ZNF727: variants seen among roughly 807,000 people sequenced by gnomAD.
The protein encoded by ZNF727 is zinc finger protein 727, also known as putative zinc finger protein 727.
Under a neutral mutation model 11.5 loss-of-function variants are expected in ZNF727, and 11 were observed. The ratio of observed to expected loss-of-function variants is 0.95; its 90% CI spans 0.60 to 1.58. The LOEUF is 1.58. Ranked by LOEUF, ZNF727 falls within the 40% of genes most tolerant of loss-of-function variation. The probability of loss-of-function intolerance (pLI) is 0.00; values close to 1 mark genes in which losing one functional copy is unlikely to be tolerated. For synonymous variants in ZNF727, 171 were observed against 196.1 expected (o/e 0.87, Z 1.07); for missense variants, 533 against 581.7 (o/e 0.92, Z 0.86).
Position 64,083,028 on chromosome 7 carries a change from G to A in ZNF727, c.*4479G>A, listed in dbSNP as rs1562800891. ...AGTCACACAAACAGCAAAAATGGCC[G>A]CTCACTCTTCCCTTTAGGAGCTGTA... On this transcript the variant is annotated 3_prime_UTR_variant, in exon 4 of 4. Transcript: ENST00000456806. Among the ~76,000 whole-genome samples the A allele has an allele frequency of 1.3e-5, 2 of 152,178 alleles. No individual in the cohort carries two copies. The highest frequency in any genetic ancestry group is 2.4e-5 in the African/African-American group (1 of 41,436).
intron 3 of ZNF727, among the ~76,000 whole-genome samples, chr7:64,072,094 A>G (rs1339233373): frequency 6.6e-6 from 1 of 152,146 alleles, no homozygotes; most frequent in Admixed American, 6.6e-5. Flanking sequence ...AAATTTTAAG[A>G]TTGAATTTTC....
intron 1 of ZNF727, among the ~76,000 whole-genome samples, chr7:64,063,559 A>G (rs1789813121): frequency 6.6e-6 from 1 of 151,972 alleles, no homozygotes; most frequent in Non-Finnish European, 1.5e-5. Context: ...CATCACTAGG[A>G]CTACACTAAG....
At position 64,077,716 on chromosome 7, in the gene ZNF727, A is replaced by C. The variant is rs1785700270; in HGVS notation, c.667A>C (p.Thr223Pro). The C allele has an allele frequency of 1.3e-6, 2 of 1,580,416 alleles. No homozygotes were observed. The highest frequency in any genetic ancestry group is 1.7e-6 in the Non-Finnish European group (2 of 1,162,686). Residue 223 changes from threonine (T) to proline (P), a missense_variant, in exon 4 of 4, where the codon ACT (threonine) becomes CCT (proline). This residue lies in a region of ZNF727 where 463 missense variants were observed against 494.5 expected (regional missense o/e 0.94). Coordinates refer to ENST00000456806, the MANE Select transcript of ZNF727 (RefSeq NM_001159522.3). ...SNLTEHNRVH[T>P]GKKPYKCEEC... ...CCTTACTGAACATAATAGAGTTCATACTGGAAAGAAACCCTACAAATGTGA... is the reference window on the plus strand; with the variant it reads ...CCTTACTGAACATAATAGAGTTCATCCTGGAAAGAAACCCTACAAATGTGA...
intron 3 of ZNF727, 68 bp from the exon 4 acceptor site, chr7:64,077,208 A>G: frequency 7.3e-7 from 1 of 1,360,916 alleles, no homozygotes; most frequent in Non-Finnish European, 9.8e-7. Context: ...GTATAATTAT[A>G]TATTTGTAAA....
chr7:64,065,289 G>A (rs777413166), intron 1 of ZNF727, among the ~76,000 whole-genome samples: 1 of 152,154 alleles, frequency 6.6e-6, no homozygotes, highest in Non-Finnish European at 1.5e-5. Context: ...GGTAGGGGCA[G>A]GTCACTGCGG....
chr7:64,076,163 C>G (rs1253868245), intron 3 of ZNF727, among the ~76,000 whole-genome samples: 1 of 152,058 alleles, frequency 6.6e-6, no homozygotes, highest in Non-Finnish European at 1.5e-5. Context: ...AATATTCGGA[C>G]AGAAGTCAGA....
In ZNF727 at chr7:64,078,517, G is replaced by A; in HGVS notation, c.1468G>A (p.Gly490Ser). Residue 490 changes from glycine (G) to serine (S), a missense_variant, in exon 4 of 4, where the codon GGT (glycine) becomes AGT (serine). Gly to Ser is a moderately conservative substitution (Grantham distance 56, BLOSUM62 0). This residue lies in a region of ZNF727 where 54 missense variants were observed against 48.6 expected (regional missense o/e 1.11). Coordinates refer to ENST00000456806, the MANE Select transcript of ZNF727 (RefSeq NM_001159522.3). ...TGCAAAGAATGTGGCAAAGCCTTTA[G>A]GTGGTTCTCAGACCTTACTAAACAT... ...TSAKNVAKPL[G>S]GSQTLLNIR 1 of 1,561,126 alleles carries A rather than the reference G, an allele frequency of 6.4e-7. No homozygotes were observed. Among genetic ancestry groups the A allele is most frequent in the Non-Finnish European group, 8.7e-7 (1 of 1,152,468 alleles).
chr7:64,075,221 T>A (rs1790022386), intron 3 of ZNF727, among the ~76,000 whole-genome samples: 1 of 152,032 alleles, frequency 6.6e-6, no homozygotes, highest in Non-Finnish European at 1.5e-5. Context: ...TTGTACTGTA[T>A]TTATATTGTT....
chr7:64,060,217 G>C (rs1389727341), intron 1 of ZNF727, among the ~76,000 whole-genome samples: 2 of 152,142 alleles, frequency 1.3e-5, no homozygotes, highest in East Asian at 1.9e-4. Context: ...GATTGCCTAT[G>C]ATGCATATCA....
Position 64,078,299 on chromosome 7 carries a change from T to C in ZNF727, c.1250T>C (p.Ile417Thr). ...TCAAACCTTATTAAACACAAGAGAA[T>C]TCATATGGAAGTGAGACCTTACAAA... ...CSSNLIKHKR[I>T]HMEVRPYKCE... The change falls in exon 4 of 4, where the codon ATT (isoleucine) becomes ACT (threonine). Residue 417 changes from isoleucine to threonine, a missense_variant. Physicochemically the swap from Ile to Thr is moderately conservative, Grantham distance 89. Coordinates refer to ENST00000456806, the MANE Select transcript of ZNF727 (RefSeq NM_001159522.3). 1 of 1,583,474 alleles carries C rather than the reference T, an allele frequency of 6.3e-7. No homozygotes were observed. The highest frequency in any genetic ancestry group is 8.6e-7 in the Non-Finnish European group (1 of 1,165,052).
chr7:64,073,972 T>C (rs1790002935), intron 3 of ZNF727, among the ~76,000 whole-genome samples: 1 of 152,154 alleles, frequency 6.6e-6, no homozygotes, highest in African/African-American at 2.4e-5. Flanking sequence ...TTTCATAACT[T>C]TAAACAGACC....
intron 1 of ZNF727, among the ~76,000 whole-genome samples, chr7:64,067,786 A>G (rs1789893302): frequency 6.6e-6 from 1 of 152,070 alleles, no homozygotes; most frequent in African/African-American, 2.4e-5. Context: ...TACCTAACAC[A>G]TGTAGAGCTT....
chr7:64,066,870 A>G (rs1196995969), intron 1 of ZNF727, among the ~76,000 whole-genome samples: 2 of 152,224 alleles, frequency 1.3e-5, no homozygotes, highest in Non-Finnish European at 2.9e-5. Flanking sequence ...CAGGCAGCCT[A>G]CAGAATGGGA....
chr7:64,081,955 C>T lies in ZNF727; in HGVS notation c.*3406C>T, dbSNP rs1341155550. ...CGTGTAGGCCAGCAATCACTCAGTG[C>T]AGTCCGACCAGGATGGAGGATCTGT... On this transcript the variant is annotated 3_prime_UTR_variant, in exon 4 of 4. Transcript: ENST00000456806. 6.6e-6 allele frequency among the ~76,000 whole-genome samples: 1 copy of T among 152,004 alleles called. No individual in the cohort carries two copies. Among genetic ancestry groups the T allele is most frequent in the African/African-American group, 2.4e-5 (1 of 41,384 alleles).
In ZNF727 at chr7:64,078,007, G is replaced by C. The variant is rs1383484807; in HGVS notation, c.958G>C (p.Ala320Pro). 2 of 1,605,296 alleles carry C rather than the reference G, an allele frequency of 1.2e-6. No individual in the cohort carries two copies. Among genetic ancestry groups the C allele is most frequent in the African/African-American group, 2.7e-5 (2 of 74,520 alleles). ...CTACAAATGTAATGAATGTGGAAAAGCTTTTATGTGGATCTCGGCCCTTAG... is the reference window on the plus strand; with the variant it reads ...CTACAAATGTAATGAATGTGGAAAACCTTTTATGTGGATCTCGGCCCTTAG... ...KPYKCNECGK[A>P]FMWISALSQH... The change falls in exon 4 of 4, where the codon GCT becomes CCT. Residue 320 changes from alanine to proline, a missense_variant. Around this residue, in one of 3 missense-constraint regions of ZNF727, gnomAD observed 463 missense variants for 494.5 expected, o/e 0.94. Coordinates refer to ENST00000456806, the MANE Select transcript of ZNF727 (RefSeq NM_001159522.3).
intron 3 of ZNF727, among the ~76,000 whole-genome samples, chr7:64,076,653 A>G (rs776634017): frequency 2.0e-5 from 3 of 152,170 alleles, no homozygotes; most frequent in Non-Finnish European, 4.4e-5. Flanking sequence ...AGAATGTGCC[A>G]TATGTACTTG....
chr7:64,069,715 C>G (rs1055751534), intron 3 of ZNF727, 106 bp downstream of exon 3: 10 of 896,248 alleles, frequency 1.1e-5, no homozygotes, highest in East Asian at 5.4e-5. Context: ...CAGTGGAAAT[C>G]GTTTCTGAGA....
At chr7:64,070,655 T>C (rs1789945966) in intron 3 of ZNF727, among the ~76,000 whole-genome samples, 1 of 152,064 alleles carries the variant, frequency 6.6e-6, no homozygotes, top group South Asian at 2.1e-4. Flanking sequence ...AGTTAAGATC[T>C]CTCAGCAAAT....
chr7:64,047,179 T>G (rs1384375515), intron 1 of ZNF727, among the ~76,000 whole-genome samples: 1 of 152,204 alleles, frequency 6.6e-6, no homozygotes, highest in Non-Finnish European at 1.5e-5. Context: ...CCAAAACTTC[T>G]CCCAGCCTAA....
Sources: gnomAD v4.1 joint callset for allele counts (sites outside exome capture counted in the v4.1 genomes callset) on GRCh38, gnomAD v4.1.1 for gene constraint, gnomAD v4.1.1 regional missense constraint, MANE v1.5 for transcripts, NCBI Gene and HGNC (gene_info 2026-07-23, HGNC 2026-07-21) for gene names.